The following SLCO6A1 variants were observed in gnomAD, a reference collection of about 807,000 sequenced individuals.
SLCO6A1 encodes cancer/testis antigen 48.
SLCO6A1 carries 65 observed loss-of-function variants against 72.7 expected under a neutral mutation model. The observed-to-expected ratio is 0.89, with a 90% CI of 0.73 to 1.10. The LOEUF is 1.10. Among genes scored for constraint, SLCO6A1 ranks in the 50% least tolerant of loss-of-function variants. SLCO6A1 has a pLI of 0.00. For synonymous variants in SLCO6A1, 314 were observed against 298.2 expected (o/e 1.05, Z -0.55); for missense variants, 874 against 872.6 (o/e 1.00, Z -0.02).
intron 1 of SLCO6A1, among the ~76,000 whole-genome samples, chr5:102,495,819 C>A (rs6860730): frequency 0.37 from 55,925 of 151,710 alleles, 10,931 homozygotes; most frequent in African/African-American, 0.49. Context: ...GTCTGGTCAT[C>A]AGAAAACATC....
chr5:102,416,695 G>A (rs1356479970), intron 8 of SLCO6A1, among the ~76,000 whole-genome samples: 1 of 152,096 alleles, frequency 6.6e-6, no homozygotes, highest in East Asian at 1.9e-4. Context: ...ACCTATGCCT[G>A]TAACAAAATT....
At chr5:102,388,422 C>T (rs187870177) in intron 12 of SLCO6A1, among the ~76,000 whole-genome samples, 60 of 152,146 alleles carry the variant, frequency 3.9e-4, no homozygotes, top group African/African-American at 1.3e-3. Context: ...ACTGTAGCCT[C>T]GACCTTTCAG....
chr5:102,457,082 A>C (rs1218498739), intron 6 of SLCO6A1, among the ~76,000 whole-genome samples: 3 of 152,160 alleles, frequency 2.0e-5, no homozygotes, highest in African/African-American at 7.2e-5. Context: ...CCTTCCTTAC[A>C]CCTTATACAA....
chr5:102,477,452 T>C (rs533634668), intron 3 of SLCO6A1, among the ~76,000 whole-genome samples: 3 of 152,216 alleles, frequency 2.0e-5, no homozygotes, highest in African/African-American at 7.2e-5. Flanking sequence ...AATTGCTCTA[T>C]ATATTTTCAG....
intron 6 of SLCO6A1, among the ~76,000 whole-genome samples, chr5:102,452,796 A>C (rs1253174766): frequency 1.3e-5 from 2 of 152,200 alleles, no homozygotes; most frequent in Non-Finnish European, 2.9e-5. Flanking sequence ...CAGGAGAAGT[A>C]TATTTAAACC....
chr5:102,432,846 A>G (rs1399265672), intron 7 of SLCO6A1, among the ~76,000 whole-genome samples: 1 of 152,202 alleles, frequency 6.6e-6, no homozygotes, highest in Non-Finnish European at 1.5e-5. Context: ...GTTTTCATAG[A>G]TGATATCCTG....
At chr5:102,399,461 A>G (rs1747276787) in intron 10 of SLCO6A1, 94 bp downstream of exon 10, 3 of 818,774 alleles carry the variant, frequency 3.7e-6, no homozygotes, top group African/African-American at 3.6e-5. Context: ...CATGAAACAC[A>G]GAGTAAATTA....
At chr5:102,491,897 GCT>G (rs1752698594) in intron 1 of SLCO6A1, among the ~76,000 whole-genome samples, 1 of 152,268 alleles carries the variant, frequency 6.6e-6, no homozygotes, top group African/African-American at 2.4e-5. Flanking sequence ...CTGCCAGCAC[GCT>G]GTCACCTCTC....
At chr5:102,381,185 T>C (rs547167330) in intron 12 of SLCO6A1, among the ~76,000 whole-genome samples, 32 of 151,880 alleles carry the variant, frequency 2.1e-4, no homozygotes, top group South Asian at 2.1e-4. Flanking sequence ...ATTTATTACT[T>C]CTGTCTAACT....
intron 7 of SLCO6A1, among the ~76,000 whole-genome samples, chr5:102,427,397 G>A (rs111578402): frequency 6.6e-6 from 1 of 152,126 alleles, no homozygotes; most frequent in African/African-American, 2.4e-5. Context: ...CACATGGATA[G>A]TATATTCCCT....
At chr5:102,475,075 C>T (rs1751825374) in intron 4 of SLCO6A1, among the ~76,000 whole-genome samples, 1 of 151,922 alleles carries the variant, frequency 6.6e-6, no homozygotes, top group Non-Finnish European at 1.5e-5. Flanking sequence ...TCTAGCAATC[C>T]AATTTCTGAG....
intron 6 of SLCO6A1, among the ~76,000 whole-genome samples, chr5:102,452,106 T>G (rs1452056): frequency 0.65 from 98,460 of 152,042 alleles, 32,084 homozygotes; most frequent in African/African-American, 0.67. Context: ...CAGTTCACAA[T>G]ATGTTTAATA....
chr5:102,421,072 C>T (rs1446463716), intron 7 of SLCO6A1, among the ~76,000 whole-genome samples: 11 of 152,236 alleles, frequency 7.2e-5, no homozygotes, highest in Admixed American at 5.9e-4. Context: ...CCATGAGGGA[C>T]GGTGCTATCC....
chr5:102,385,203 A>C (rs1746347072), intron 12 of SLCO6A1, among the ~76,000 whole-genome samples: 1 of 152,046 alleles, frequency 6.6e-6, no homozygotes, highest in African/African-American at 2.4e-5. Context: ...ATAGTGATGA[A>C]TTGCTTTTCT....
chr5:102,471,618 C>A (rs1316361339), intron 4 of SLCO6A1, among the ~76,000 whole-genome samples: 2 of 152,102 alleles, frequency 1.3e-5, no homozygotes, highest in African/African-American at 4.8e-5. Context: ...TAATCCCAAT[C>A]CACAACCTGT....
At position 102,483,306 on chromosome 5, in the gene SLCO6A1, C is replaced by T. The variant is rs1003024844; in HGVS notation, c.359-2872G>A. 2.0e-5 allele frequency among the ~76,000 whole-genome samples: 3 copies of T among 152,166 alleles called. No individual in the cohort carries two copies. The East Asian group carries it at 5.8e-4, about 29-fold the overall frequency. On this transcript the variant is annotated intron_variant, in intron 1 of 13. Transcript: ENST00000506729. ...GCAATATGGACAATCAGATGTACTG[C>T]TCAATGTTCTTTCCACGGGGAGAAT...
At chr5:102,459,881 T>A in intron 4 of SLCO6A1, 104 bp from the exon 5 acceptor site, 1 of 884,872 alleles carries the variant, frequency 1.1e-6, no homozygotes, top group Non-Finnish European at 1.6e-6. Context: ...GAGGGAGGGT[T>A]GGAGAGTGAG....
At chr5:102,494,556 T>C (rs927475015) in intron 1 of SLCO6A1, among the ~76,000 whole-genome samples, 1 of 152,156 alleles carries the variant, frequency 6.6e-6, no homozygotes, top group African/African-American at 2.4e-5. Flanking sequence ...CCAGATTATA[T>C]AAAGAACACT....
intron 4 of SLCO6A1, among the ~76,000 whole-genome samples, chr5:102,469,110 T>G (rs1449667294): frequency 2.0e-5 from 3 of 152,116 alleles, no homozygotes; most frequent in Non-Finnish European, 4.4e-5. Context: ...TCCAGCTTTG[T>G]TCTTTTTGCT....
Sources: allele counts gnomAD v4.1 joint callset (sites outside exome capture counted in the v4.1 genomes callset), GRCh38; gene constraint gnomAD v4.1.1; transcripts MANE v1.5; gene names NCBI Gene and HGNC (gene_info 2026-07-23, HGNC 2026-07-21).